Variants in PDCD6 observed in about 807,000 individuals in gnomAD.
The protein encoded by PDCD6 is programmed cell death protein 6.
PDCD6 carries 12 observed loss-of-function variants against 28.3 expected under a neutral mutation model. The observed-to-expected ratio is 0.42, with a 90% CI of 0.27 to 0.69. The LOEUF is 0.69. Among genes scored for constraint, PDCD6 ranks in the 30% least tolerant of loss-of-function variants. PDCD6 has a pLI of 0.22. For missense variants in PDCD6, 226 were observed against 269.9 expected (o/e 0.84, Z 1.14); for synonymous variants, 92 against 108.0 (o/e 0.85, Z 0.92).
rs578004636 is a variant in PDCD6, at chr5:297,183, C to T, written c.164-6994C>T. On this transcript the variant is annotated intron_variant, in intron 2 of 5. Transcript: ENST00000264933. ...CAGGCAGAATGTTGTGCAAAAACCA[C>T]ACCAGGATTCGTACATGCCAGAGGA... Among the ~76,000 whole-genome samples, 19 of 152,332 alleles carry T rather than the reference C, an allele frequency of 1.2e-4. No homozygotes were observed. The South Asian group carries it at 1.7e-3, about 13-fold the overall frequency.
At chr5:309,002 C>G (rs1740718261) in intron 4 of PDCD6, 1 of 153,974 alleles carries the variant, frequency 6.5e-6, no homozygotes, top group Admixed American at 6.5e-5. Context: ...AGATTCTCCC[C>G]TCTGGTGGGC....
intron 5 of PDCD6, 50 bp downstream of exon 5, chr5:311,452 C>T: frequency 7.9e-7 from 1 of 1,268,274 alleles, no homozygotes; most frequent in Non-Finnish European, 1.2e-6. Flanking sequence ...GAGGGGCTTG[C>T]TTGCCAGCGT....
intron 2 of PDCD6, among the ~76,000 whole-genome samples, chr5:277,347 G>T (rs576804112): frequency 1.4e-5 from 2 of 141,566 alleles, no homozygotes; most frequent in South Asian, 4.5e-4. Flanking sequence ...TGTCGCCTAG[G>T]CTGGAGTGCG....
intron 2 of PDCD6, among the ~76,000 whole-genome samples, chr5:303,298 A>T (rs770129395): frequency 1.7e-4 from 14 of 80,590 alleles, no homozygotes; most frequent in African/African-American, 4.7e-4. Context: ...TTTTGTGCAT[A>T]AAAAAAAAAA....
intron 2 of PDCD6, among the ~76,000 whole-genome samples, chr5:278,957 G>A (rs1738389503): frequency 6.6e-6 from 1 of 151,998 alleles, no homozygotes; most frequent in African/African-American, 2.4e-5. Flanking sequence ...CTCACGGGGT[G>A]TGGGCCACCT....
intron 2 of PDCD6, among the ~76,000 whole-genome samples, chr5:301,669 G>T (rs1740059900): frequency 6.8e-6 from 1 of 147,586 alleles, no homozygotes; most frequent in Admixed American, 6.8e-5. Flanking sequence ...ACTGCTGGAG[G>T]GTGGGTCGTC....
chr5:288,311 T>TATATAC (rs34574011), intron 2 of PDCD6, among the ~76,000 whole-genome samples: 8,501 of 144,784 alleles, frequency 0.059, 300 homozygotes, highest in African/African-American at 0.081. Context: ...TATATATATA[T>TATATAC]ACACATATGT....
intron 2 of PDCD6, among the ~76,000 whole-genome samples, chr5:283,938 G>C (rs1382335447): frequency 6.6e-6 from 1 of 152,144 alleles, no homozygotes; most frequent in East Asian, 1.9e-4. Flanking sequence ...GGGAGGAGCT[G>C]ATGTTCTAGC....
intron 2 of PDCD6, among the ~76,000 whole-genome samples, chr5:278,688 G>A (rs986630903): frequency 6.6e-5 from 10 of 151,210 alleles, no homozygotes; most frequent in African/African-American, 2.4e-4. Context: ...ACTCCAGCCT[G>A]GGTGACAGAG....
intron 2 of PDCD6, among the ~76,000 whole-genome samples, chr5:299,711 G>A (rs1378903182): frequency 1.3e-5 from 2 of 152,004 alleles, no homozygotes; most frequent in Non-Finnish European, 2.9e-5. Context: ...CGCCATGCCT[G>A]GCTAATTTTT....
chr5:312,809 TA>T (rs1168697726), intron 5 of PDCD6, among the ~76,000 whole-genome samples: 1 of 152,018 alleles, frequency 6.6e-6, no homozygotes, highest in East Asian at 1.9e-4. Context: ...GACCCTGTCT[TA>T]AAAAAGAAAG....
chr5:303,054 C>T (rs1740209017), intron 2 of PDCD6, among the ~76,000 whole-genome samples: 1 of 152,134 alleles, frequency 6.6e-6, no homozygotes, highest in South Asian at 2.1e-4. Flanking sequence ...GTGGAAGTCT[C>T]CCTGAGGAAG....
In PDCD6 at chr5:288,920, G is replaced by A. The variant is rs1739153620; in HGVS notation, c.164-15257G>A. On this transcript the variant is annotated intron_variant, in intron 2 of 5. Coordinates refer to ENST00000264933, the MANE Select transcript of PDCD6 (RefSeq NM_013232.4). Reference sequence around the variant, plus strand: ...CTGAAAGAATCTCTCCAGTTTTACTGGAATTAGATCCTACTAATTCTTCTG... The same window carrying A: ...CTGAAAGAATCTCTCCAGTTTTACTAGAATTAGATCCTACTAATTCTTCTG... The A allele has an allele frequency of 3.2e-6, 5 of 1,576,800 alleles. No individual in the cohort carries two copies. The Middle Eastern group carries it at 6.7e-4, about 210-fold the overall frequency.
At chr5:312,160 G>A (rs962335760) in intron 5 of PDCD6, 1 of 152,314 alleles carries the variant, frequency 6.6e-6, no homozygotes, top group African/African-American at 2.4e-5. Context: ...GTCTGCAGGA[G>A]CTGGTAATGC....
chr5:296,989 T>C (rs1739658543), intron 2 of PDCD6, among the ~76,000 whole-genome samples: 1 of 152,204 alleles, frequency 6.6e-6, no homozygotes, highest in African/African-American at 2.4e-5. Flanking sequence ...CACACCGTGC[T>C]GGTCTGGGCA....
intron 2 of PDCD6, among the ~76,000 whole-genome samples, chr5:290,941 A>C (rs560716680): frequency 2.8e-4 from 42 of 152,330 alleles, no homozygotes; most frequent in Admixed American, 2.4e-3. Context: ...ACTGCCTTCT[A>C]AGTATTGAAT....
intron 2 of PDCD6, among the ~76,000 whole-genome samples, chr5:291,796 C>T (rs1739331876): frequency 6.6e-6 from 1 of 152,240 alleles, no homozygotes; most frequent in Non-Finnish European, 1.5e-5. Context: ...TGTCTTCCAT[C>T]TTCCTGTGGA....
chr5:288,292 T>TTA (rs1554006388), intron 2 of PDCD6, among the ~76,000 whole-genome samples: 5,123 of 107,046 alleles, frequency 0.048, 125 homozygotes, highest in East Asian at 0.065. Context: ...AATATATATA[T>TTA]TATATATATA....
At chr5:295,590 G>A (rs1171414900) in intron 2 of PDCD6, among the ~76,000 whole-genome samples, 1 of 147,608 alleles carries the variant, frequency 6.8e-6, no homozygotes, top group Non-Finnish European at 1.5e-5. Context: ...GGCATGGGCC[G>A]GGTGGCCATG....
Sources: allele counts gnomAD v4.1 joint callset (sites outside exome capture counted in the v4.1 genomes callset), GRCh38; gene constraint gnomAD v4.1.1; transcripts MANE v1.5; gene names NCBI Gene and HGNC (gene_info 2026-07-23, HGNC 2026-07-21).